Variants in THSD4 observed in about 807,000 individuals in gnomAD.
THSD4 encodes thrombospondin type 1 domain containing 4, also known as thrombospondin type-1 domain-containing protein 4.
THSD4 carries 69 observed loss-of-function variants against 119.0 expected under a neutral mutation model. That is an observed-to-expected ratio of 0.58 (90% CI 0.48 to 0.71). THSD4 has a LOEUF of 0.71. Ranked by LOEUF, THSD4 falls within the 30% of genes least tolerant of loss-of-function variation. THSD4 has a pLI of 0.00. For synonymous variants in THSD4, 524 were observed against 540.4 expected, an observed-to-expected ratio of 0.97 and a Z score of 0.42; for missense variants, 1,393 against 1,391.1, an observed-to-expected ratio of 1.00 and a Z score of -0.02.
chr15:71,422,445 G>A (rs931646625), intron 7 of THSD4, among the ~76,000 whole-genome samples: 9 of 152,162 alleles, frequency 5.9e-5, no homozygotes, highest in Non-Finnish European at 8.8e-5. Flanking sequence ...GACTCATAGA[G>A]GTGCCACCTT....
At chr15:71,584,571 G>A (rs1158193084) in intron 7 of THSD4, among the ~76,000 whole-genome samples, 1 of 151,918 alleles carries the variant, frequency 6.6e-6, no homozygotes, top group African/African-American at 2.4e-5. Context: ...GCCCAGCCTT[G>A]ACTTTTTTCA....
chr15:71,738,088 G>T, intron 11 of THSD4, 81 bp downstream of exon 11: 1 of 1,533,280 alleles, frequency 6.5e-7, no homozygotes, highest in Non-Finnish European at 8.8e-7. Context: ...AGCGGTCCCC[G>T]GCTTTTTTGG....
intron 6 of THSD4, among the ~76,000 whole-genome samples, chr15:71,350,141 T>TAAAAAAAAAAAAAAAAAA (rs3086680): frequency 1.8e-5 from 2 of 111,174 alleles, no homozygotes; most frequent in African/African-American, 3.6e-5. Context: ...TGCAAATTAC[T>TAAAAAAAAAAAAAAAAAA]AAAAAAAAAA....
At chr15:71,299,483 C>T (rs912911285) in intron 6 of THSD4, among the ~76,000 whole-genome samples, 1 of 152,192 alleles carries the variant, frequency 6.6e-6, no homozygotes, top group African/African-American at 2.4e-5. Context: ...AAGACAAATA[C>T]TGCATTATCT....
upstream of THSD4, chr15:71,111,403 C>G (rs1190522837): frequency 6.2e-7 from 1 of 1,610,804 alleles, no homozygotes; most frequent in Non-Finnish European, 8.5e-7. Context: ...GGAACTCAGA[C>G]TGTAGGTCAG....
At chr15:71,180,221 C>G (rs553190600) in intron 3 of THSD4, among the ~76,000 whole-genome samples, 1 of 147,378 alleles carries the variant, frequency 6.8e-6, no homozygotes, top group Non-Finnish European at 1.5e-5. Context: ...ACCCACAGAA[C>G]GGGAGAAAGT....
chr15:71,233,910 C>T (rs2044081364), intron 4 of THSD4, among the ~76,000 whole-genome samples: 3 of 152,186 alleles, frequency 2.0e-5, no homozygotes, highest in Admixed American at 2.0e-4. Context: ...CTCTCCTCCC[C>T]TCTTCCCAGG....
chr15:71,486,777 C>T (rs947659581), intron 7 of THSD4, among the ~76,000 whole-genome samples: 10 of 152,050 alleles, frequency 6.6e-5, no homozygotes, highest in Admixed American at 1.3e-4. Flanking sequence ...AATTCTCCCA[C>T]GCTTTGCAAT....
intron 6 of THSD4, among the ~76,000 whole-genome samples, chr15:71,337,049 T>C (rs2045497784): frequency 6.6e-6 from 1 of 152,050 alleles, no homozygotes; most frequent in African/African-American, 2.4e-5. Flanking sequence ...ATGTGCTTTG[T>C]TTTGGAGAGA....
chr15:71,447,808 C>A (rs972789812), intron 7 of THSD4, among the ~76,000 whole-genome samples: 1 of 152,152 alleles, frequency 6.6e-6, no homozygotes, highest in African/African-American at 2.4e-5. Context: ...CATGCACTTA[C>A]AATTCATCAC....
intron 7 of THSD4, among the ~76,000 whole-genome samples, chr15:71,571,174 C>T (rs1308994369): frequency 6.6e-6 from 1 of 152,034 alleles, no homozygotes; most frequent in Non-Finnish European, 1.5e-5. Context: ...AAGTGGAAAG[C>T]ACCAGAAGTT....
intron 7 of THSD4, among the ~76,000 whole-genome samples, chr15:71,639,715 T>G (rs939766506): frequency 6.6e-6 from 1 of 152,158 alleles, no homozygotes; most frequent in Admixed American, 6.5e-5. Context: ...AAAAATTATG[T>G]TCTTTATTTT....
intron 8 of THSD4, among the ~76,000 whole-genome samples, chr15:71,691,944 A>G (rs147202425): frequency 1.3e-5 from 2 of 152,142 alleles, no homozygotes; most frequent in Non-Finnish European, 2.9e-5. Context: ...CCAGGTGGAA[A>G]CCTCAAGTAG....
chr15:71,766,879 A>G (rs1452614070), intron 16 of THSD4: 1 of 152,108 alleles, frequency 6.6e-6, no homozygotes, highest in Admixed American at 6.5e-5. Context: ...AAAAAAAGCC[A>G]GGTTCAAAAA....
intron 14 of THSD4, among the ~76,000 whole-genome samples, chr15:71,753,855 G>T (rs562655886): frequency 1.3e-5 from 2 of 152,124 alleles, no homozygotes; most frequent in Admixed American, 6.5e-5. Context: ...TCCTCTACAG[G>T]CCTCATCCAT....
rs2054017496 is a variant in THSD4, at chr15:71,782,755, G to A, written c.*5381G>A. ...CTCTGCTTTTCGACTCATTCAGGTA[G>A]CATTGTACCTGAACCTGATTGCTAC... On this transcript the variant is annotated 3_prime_UTR_variant, in exon 18 of 18. Transcript: ENST00000261862. 6.6e-6 allele frequency: 1 copy of A among 152,176 alleles called. No individual in the cohort carries two copies. The highest frequency in any genetic ancestry group is 6.5e-5 in the Admixed American group (1 of 15,276). 9.4% of individuals were successfully genotyped at this position (152,176 alleles called of 1,614,324 possible). A position where few individuals can be genotyped will look rare whatever the true frequency, so the allele number is the denominator to read the frequency against.
intron 6 of THSD4, among the ~76,000 whole-genome samples, chr15:71,313,468 AAC>A (rs1249091082): frequency 1.3e-5 from 2 of 152,174 alleles, no homozygotes; most frequent in Non-Finnish European, 2.9e-5. Context: ...TTGGGGGAAT[AAC>A]ACACACTGGA....
intron 7 of THSD4, among the ~76,000 whole-genome samples, chr15:71,565,455 C>A (rs907567715): frequency 1.3e-5 from 2 of 152,240 alleles, no homozygotes; most frequent in African/African-American, 4.8e-5. Context: ...GCTCACACAT[C>A]AGTGGAAAAC....
At chr15:71,461,837 A>G (rs1266898895) in intron 7 of THSD4, among the ~76,000 whole-genome samples, 1 of 151,526 alleles carries the variant, frequency 6.6e-6, no homozygotes, top group Non-Finnish European at 1.5e-5. Context: ...GAGAAAAGTT[A>G]AACAAATAGA....
Sources: gnomAD v4.1 joint callset for allele counts (sites outside exome capture counted in the v4.1 genomes callset) on GRCh38, gnomAD v4.1.1 for gene constraint, MANE v1.5 for transcripts, NCBI Gene and HGNC (gene_info 2026-07-23, HGNC 2026-07-21) for gene names.